PIAS2: variants seen among roughly 807,000 people sequenced by gnomAD.
PIAS2 encodes protein inhibitor of activated STAT 2.
Under a neutral mutation model 69.7 loss-of-function variants are expected in PIAS2, and 19 were observed. The observed-to-expected ratio is 0.27, with a 90% CI of 0.19 to 0.40. PIAS2 has a LOEUF of 0.40. PIAS2 is among the 10% of genes least tolerant of loss of function. The pLI is 1.00. For missense variants in PIAS2, 624 were observed against 757.0 expected (o/e 0.82, Z 2.06); for synonymous variants, 261 against 263.2 (o/e 0.99, Z 0.08).
chr18:46,890,923 C>T lies in PIAS2; in HGVS notation c.156G>A (p.Ala52=), dbSNP rs141862934. Residue 52 remains alanine, a synonymous_variant, in exon 2 of 14, where the codon GCG becomes GCA. Transcript: ENST00000585916. The stretch of plus-strand genomic sequence containing the variant: ...ACAATTCTCGGATTTTAATCTGAAC[C>T]GCAGGGCTGCAGCCGCTCTTCAATA... The part of the protein sequence containing the change: ...LHLLKSGCSP[A]VQIKIRELYR... The T allele has an allele frequency of 1.3e-4, 205 of 1,614,144 alleles. No individual in the cohort carries two copies. The Admixed American group carries it at 1.4e-3, about 11-fold the overall frequency.
intron 11 of PIAS2, among the ~76,000 whole-genome samples, chr18:46,824,927 G>C (rs1430355327): frequency 6.6e-6 from 1 of 151,154 alleles, no homozygotes; most frequent in African/African-American, 2.4e-5. Context: ...TTCAACCCAG[G>C]AGGTCAAGAC....
chr18:46,901,908 A>G (rs1299203742), intron 1 of PIAS2, among the ~76,000 whole-genome samples: 1 of 152,208 alleles, frequency 6.6e-6, no homozygotes, highest in African/African-American at 2.4e-5. Context: ...ACACAGTACT[A>G]AAAGTTCTAG....
At chr18:46,817,453 G>T (rs2041679889) in intron 12 of PIAS2, 8 of 958,066 alleles carry the variant, frequency 8.4e-6, no homozygotes, top group Non-Finnish European at 9.9e-6. Flanking sequence ...TACCCACTGA[G>T]GATCCTATTT....
In PIAS2 at chr18:46,804,261, T is replaced by C. The variant is rs949144427; in HGVS notation, c.*8172A>G. ...CACACAATATGCAGGGATTATTTTA[T>C]GTATTAAGAGTATATAAACCAGGGT... On this transcript the variant is annotated 3_prime_UTR_variant, in exon 14 of 14. Transcript: ENST00000585916. 6.6e-6 allele frequency: 1 copy of C among 152,176 alleles called. No individual in the cohort carries two copies. Among genetic ancestry groups the C allele is most frequent in the African/African-American group, 2.4e-5 (1 of 41,444 alleles). 9.4% of individuals were successfully genotyped at this position (152,176 alleles called of 1,614,324 possible). A position where few individuals can be genotyped will look rare whatever the true frequency, so the allele number is the denominator to read the frequency against.
intron 8 of PIAS2, 132 bp downstream of exon 8, chr18:46,843,922 A>G (rs1392834377): frequency 1.8e-5 from 10 of 546,714 alleles, no homozygotes; most frequent in Non-Finnish European, 2.9e-5. Context: ...AATCATGAAG[A>G]TTCCTTAATG....
At chr18:46,816,259 T>A (rs530148382) in intron 12 of PIAS2, 3 of 978,572 alleles carry the variant, frequency 3.1e-6, no homozygotes, top group Non-Finnish European at 3.6e-6. Flanking sequence ...TATGCTTTTA[T>A]GCAAAATAGA....
intron 1 of PIAS2, among the ~76,000 whole-genome samples, chr18:46,898,918 C>G (rs1398661497): frequency 6.6e-6 from 1 of 151,384 alleles, no homozygotes; most frequent in African/African-American, 2.4e-5. Context: ...TTGCTTGAAT[C>G]TGGGAGGCGG....
intron 2 of PIAS2, among the ~76,000 whole-genome samples, chr18:46,869,297 T>C (rs902533508): frequency 3.9e-5 from 6 of 151,922 alleles, no homozygotes; most frequent in African/African-American, 1.5e-4. Context: ...GCAAGAAATA[T>C]CTAATACGAG....
chr18:46,846,964 C>T (rs1599675339), intron 5 of PIAS2, 123 bp from the exon 6 acceptor site: 1 of 775,290 alleles, frequency 1.3e-6, no homozygotes, highest in East Asian at 3.2e-5. Context: ...GCCTAAAAAT[C>T]ATATAGCCCT....
At chr18:46,825,276 T>C (rs1351345005) in intron 11 of PIAS2, among the ~76,000 whole-genome samples, 1 of 152,154 alleles carries the variant, frequency 6.6e-6, no homozygotes, top group Non-Finnish European at 1.5e-5. Flanking sequence ...AGCATGAGCC[T>C]CCACTATGAC....
chr18:46,830,104 A>G lies in PIAS2; in HGVS notation c.1203-237T>C, dbSNP rs577797660. Among the ~76,000 whole-genome samples the G allele has an allele frequency of 1.2e-4, 18 of 152,294 alleles. 2 individuals carry two copies. In the South Asian group the frequency reaches 3.7e-3, roughly 32 times the overall value. ...TTACTGAGCATCACCTGTGTAACTCAATGAGTATAAATGGCTAGAGAGAAG... is the reference window on the plus strand; with the variant it reads ...TTACTGAGCATCACCTGTGTAACTCGATGAGTATAAATGGCTAGAGAGAAG... On this transcript the variant is annotated intron_variant, in intron 9 of 13. Coordinates refer to ENST00000585916, the MANE Select transcript of PIAS2 (RefSeq NM_004671.5).
At chr18:46,883,313 A>T (rs2052598809) in intron 2 of PIAS2, among the ~76,000 whole-genome samples, 1 of 152,186 alleles carries the variant, frequency 6.6e-6, no homozygotes, top group Admixed American at 6.5e-5. Flanking sequence ...TAAAACTTTG[A>T]AGGTATTTCA....
Position 46,821,086 on chromosome 18 carries a change from C to T in PIAS2, c.1509-14G>A. On this transcript the variant is annotated splice_polypyrimidine_tract_variant and intron_variant, in intron 11 of 13. Coordinates refer to ENST00000585916, the MANE Select transcript of PIAS2 (RefSeq NM_004671.5). The stretch of plus-strand genomic sequence containing the variant: ...TACATGAGAACCCTGTTTTAAATAG[C>T]ACGGGAAATTACAAACAATCTGGCT... The T allele has an allele frequency of 6.2e-7, 1 of 1,612,226 alleles. No homozygotes were observed. Among genetic ancestry groups the T allele is most frequent in the Non-Finnish European group, 8.5e-7 (1 of 1,179,046 alleles).
chr18:46,867,565 G>T (rs1228785403), intron 2 of PIAS2, among the ~76,000 whole-genome samples: 1 of 152,172 alleles, frequency 6.6e-6, no homozygotes, highest in African/African-American at 2.4e-5. Context: ...ATTCTGCAGA[G>T]ATTCCATGAA....
chr18:46,901,124 A>G (rs1188186252), intron 1 of PIAS2: 1 of 333,800 alleles, frequency 3.0e-6, no homozygotes, highest in Non-Finnish European at 5.8e-6. Context: ...CAACACAAAA[A>G]ATTAAACTAC....
At chr18:46,898,358 T>TG in intron 1 of PIAS2, among the ~76,000 whole-genome samples, 1 of 151,180 alleles carries the variant, frequency 6.6e-6, no homozygotes, top group Admixed American at 6.6e-5. Context: ...TTGGCCAGGT[T>TG]GGTCTTGAAC....
At chr18:46,836,927 C>A (rs1326585735) in intron 8 of PIAS2, among the ~76,000 whole-genome samples, 1 of 152,066 alleles carries the variant, frequency 6.6e-6, no homozygotes, top group East Asian at 1.9e-4. Context: ...CACTGTTTTC[C>A]AACTCACTTC....
intron 1 of PIAS2, among the ~76,000 whole-genome samples, chr18:46,897,003 G>A (rs2054991811): frequency 6.6e-6 from 1 of 152,156 alleles, no homozygotes; most frequent in Non-Finnish European, 1.5e-5. Context: ...AAAGACTGGA[G>A]TTGATTAACT....
chr18:46,855,652 C>T (rs1158006316), intron 3 of PIAS2, 37 bp from the exon 4 acceptor site: 2 of 1,499,224 alleles, frequency 1.3e-6, no homozygotes, highest in Non-Finnish European at 1.9e-6. Context: ...TAAAAAAGTA[C>T]AATGAGAATT....
Sources: allele counts gnomAD v4.1 joint callset (sites outside exome capture counted in the v4.1 genomes callset), GRCh38; gene constraint gnomAD v4.1.1; transcripts MANE v1.5; gene names NCBI Gene and HGNC (gene_info 2026-07-23, HGNC 2026-07-21).